Variants in NLN observed in about 807,000 individuals in gnomAD.
NLN encodes the protein neurolysin, mitochondrial.
NLN carries 64 observed loss-of-function variants against 79.9 expected under a neutral mutation model. The ratio of observed to expected loss-of-function variants is 0.80; its 90% CI spans 0.65 to 0.99. The LOEUF is 0.99. Among genes scored for constraint, NLN ranks in the 50% least tolerant of loss-of-function variants. The pLI is 0.00. For missense variants in NLN, 835 were observed against 858.7 expected (o/e 0.97, Z 0.34); for synonymous variants, 267 against 296.6 (o/e 0.90, Z 1.02).
intron 1 of NLN, among the ~76,000 whole-genome samples, chr5:65,739,012 T>TATAATA (rs1473631456): frequency 8.6e-6 from 1 of 116,166 alleles, no homozygotes; most frequent in East Asian, 2.2e-4. Flanking sequence ...TAATATATAT[T>TATAATA]TATATATATA....
rs929288296 is a variant in NLN, at chr5:65,787,675, A to C, written c.959-443A>C. Among the ~76,000 whole-genome samples, 3 of 152,250 alleles carry C rather than the reference A, an allele frequency of 2.0e-5. No individual in the cohort carries two copies. In the East Asian group the frequency reaches 5.8e-4, roughly 29 times the overall value. ...ACTAAACCCAGTGATAGGAATTTCT[A>C]GATAACATTGACCACAGGTCACATC... On this transcript the variant is annotated intron_variant, in intron 7 of 12. Transcript: ENST00000380985.
intron 10 of NLN, 25 bp downstream of exon 10, chr5:65,809,726 A>G (rs1411570549): frequency 6.6e-7 from 1 of 1,514,854 alleles, no homozygotes; most frequent in African/African-American, 1.4e-5. Context: ...TTTAAAAAGG[A>G]AAATAAATTA....
At chr5:65,797,305 A>G (rs1245785962) in intron 9 of NLN, among the ~76,000 whole-genome samples, 2 of 152,252 alleles carry the variant, frequency 1.3e-5, no homozygotes, top group Non-Finnish European at 2.9e-5. Flanking sequence ...TAAGAATTAC[A>G]CTAAAGCCTT....
chr5:65,742,380 A>G lies in NLN; in HGVS notation c.42-16187A>G, dbSNP rs73099372. Among the ~76,000 whole-genome samples, 1,303 of 152,302 alleles carry G rather than the reference A, an allele frequency of 8.6e-3. 22 individuals are homozygous for G. Among genetic ancestry groups the G allele is most frequent in the African/African-American group, 0.03 (1,252 of 41,568 alleles). On this transcript the variant is annotated intron_variant, in intron 1 of 12. Coordinates refer to ENST00000380985, the MANE Select transcript of NLN (RefSeq NM_020726.5). ...ACCAAGATTAGACCATTGAAGTTGT[A>G]ATGATCATTCTAGTTCTCAAATTCA...
At chr5:65,772,345 T>C (rs897861752) in intron 3 of NLN, among the ~76,000 whole-genome samples, 44 of 152,228 alleles carry the variant, frequency 2.9e-4, no homozygotes, top group African/African-American at 1.1e-3. Context: ...TAAATGTAAA[T>C]GTGTGTTGAA....
At chr5:65,778,429 A>G (rs1759726373) in intron 4 of NLN, among the ~76,000 whole-genome samples, 6 of 152,206 alleles carry the variant, frequency 3.9e-5, no homozygotes, top group Admixed American at 3.9e-4. Context: ...CCACTGAGAT[A>G]TGGGTACCTT....
At chr5:65,800,363 T>C (rs1463705908) in intron 9 of NLN, among the ~76,000 whole-genome samples, 2 of 152,180 alleles carry the variant, frequency 1.3e-5, no homozygotes, top group African/African-American at 2.4e-5. Flanking sequence ...ATTTTAGACA[T>C]CCTATTGTTT....
At chr5:65,813,149 T>C (rs1378192265) in intron 12 of NLN, among the ~76,000 whole-genome samples, 1 of 152,208 alleles carries the variant, frequency 6.6e-6, no homozygotes, top group East Asian at 1.9e-4. Context: ...GATTGCATAG[T>C]ACCTTATACA....
intron 4 of NLN, 153 bp from the exon 5 acceptor site, chr5:65,780,026 A>G (rs1299940699): frequency 5.5e-5 from 28 of 507,008 alleles, no homozygotes; most frequent in Non-Finnish European, 7.0e-5. Flanking sequence ...GGCTTTCACC[A>G]TGTTAGCCAG....
At position 65,726,700 on chromosome 5, in the gene NLN, A is replaced by G. The variant is rs149116263; in HGVS notation, c.41+4286A>G. ...AAAAATTATTACCTTGTTAGAAGCTACCATAAATATATTAACTAATTTGTT... is the reference window on the plus strand; with the variant it reads ...AAAAATTATTACCTTGTTAGAAGCTGCCATAAATATATTAACTAATTTGTT... On this transcript the variant is annotated intron_variant, in intron 1 of 12. Transcript: ENST00000380985. Among the ~76,000 whole-genome samples, 297 of 152,324 alleles carry G rather than the reference A, an allele frequency of 1.9e-3. 1 individual carries two copies. The highest frequency in any genetic ancestry group is 6.8e-3 in the African/African-American group (281 of 41,576).
At chr5:65,731,530 C>A (rs1014513695) in intron 1 of NLN, among the ~76,000 whole-genome samples, 3 of 152,004 alleles carry the variant, frequency 2.0e-5, no homozygotes, top group African/African-American at 7.2e-5. Flanking sequence ...TTTGTAAGAG[C>A]CCCTCATAGA....
intron 1 of NLN, among the ~76,000 whole-genome samples, chr5:65,741,802 G>T (rs1168170051): frequency 6.6e-6 from 1 of 152,170 alleles, no homozygotes; most frequent in Non-Finnish European, 1.5e-5. Flanking sequence ...TGTGGTCTCA[G>T]TTGGCTTTAC....
intron 1 of NLN, among the ~76,000 whole-genome samples, chr5:65,741,550 A>G (rs1403329658): frequency 6.6e-6 from 1 of 152,214 alleles, no homozygotes; most frequent in Non-Finnish European, 1.5e-5. Context: ...AAGCCTAAGT[A>G]TTAAATAATG....
rs1173690838 is a variant in NLN at position 65,751,484 on chromosome 5, C to T, written c.42-7083C>T. On this transcript the variant is annotated intron_variant, in intron 1 of 12. Transcript: ENST00000380985. The stretch of plus-strand genomic sequence containing the variant: ...GGGGGTTTGTGATGAAAGAAATGTA[C>T]AGTGGCCATTGTGCTTGAGAAGTCC... Among the ~76,000 whole-genome samples the T allele has an allele frequency of 2.0e-5, 3 of 152,152 alleles. No homozygotes were observed. The East Asian group carries it at 5.8e-4, about 29-fold the overall frequency.
Position 65,809,709 on chromosome 5 carries a change from T to C in NLN, c.1714+8T>C. ...CTAGGCTGGTCAACACAGGTATGAC[T>C]TCTAATTTTAAAAAGGAAAATAAAT... On this transcript the variant is annotated splice_region_variant and intron_variant, in intron 10 of 12. Transcript: ENST00000380985. 1 of 1,556,748 alleles carries C rather than the reference T, an allele frequency of 6.4e-7. No homozygotes were observed. The highest frequency in any genetic ancestry group is 8.7e-7 in the Non-Finnish European group (1 of 1,154,768).
At position 65,748,953 on chromosome 5, in the gene NLN, TG is replaced by T. The variant is rs373024628; in HGVS notation, c.42-9613del. On this transcript the variant is annotated intron_variant, in intron 1 of 12. Transcript: ENST00000380985. ...TGGGAGGAACCCAATGGGAGGTCAT[TG>T]AATCTGGGGGCAGATTTTTCCTGTG... Among the ~76,000 whole-genome samples the T allele has an allele frequency of 2.6e-4, 39 of 152,282 alleles. 1 individual carries two copies. The highest frequency in any genetic ancestry group is 8.7e-4 in the African/African-American group (36 of 41,550).
intron 1 of NLN, among the ~76,000 whole-genome samples, chr5:65,734,049 C>G (rs1758674013): frequency 7.2e-6 from 1 of 139,182 alleles, no homozygotes; most frequent in Non-Finnish European, 1.6e-5. Context: ...AGGTGTCCAC[C>G]ACCACACCCA....
chr5:65,775,865 G>C (rs140552257), intron 3 of NLN, among the ~76,000 whole-genome samples: 88 of 152,322 alleles, frequency 5.8e-4, no homozygotes, highest in African/African-American at 2.0e-3. Context: ...AAGGGAGGTT[G>C]CTGTAGAAAA....
chr5:65,780,761 C>T (rs1759783460), intron 5 of NLN, among the ~76,000 whole-genome samples: 1 of 152,198 alleles, frequency 6.6e-6, no homozygotes, highest in Admixed American at 6.5e-5. Context: ...GCAACCTCCA[C>T]CTCCCTGGTT....
Sources: gnomAD v4.1 joint callset for allele counts (sites outside exome capture counted in the v4.1 genomes callset) on GRCh38, gnomAD v4.1.1 for gene constraint, MANE v1.5 for transcripts, NCBI Gene and HGNC (gene_info 2026-07-23, HGNC 2026-07-21) for gene names.